The following RINT1 variants were observed in gnomAD, a reference collection of about 807,000 sequenced individuals.
RINT1 encodes RAD50-interacting protein 1.
In RINT1, 75 loss-of-function variants were observed where a neutral mutation model predicts 97.7. The ratio of observed to expected loss-of-function variants is 0.77; its 90% confidence interval spans 0.64 to 0.93. RINT1 has a LOEUF of 0.93. Ranked by LOEUF, RINT1 falls within the 40% of genes least tolerant of loss-of-function variation. RINT1 has a pLI of 0.00. For synonymous variants in RINT1, 303 were observed against 326.3 expected (o/e 0.93, Z 0.77); for missense variants, 892 against 925.2 (o/e 0.96, Z 0.47).
At chr7:105,543,865 C>G (rs903634187) in intron 4 of RINT1, among the ~76,000 whole-genome samples, 2 of 151,102 alleles carry the variant, frequency 1.3e-5, no homozygotes, top group Non-Finnish European at 2.9e-5. Flanking sequence ...CCGAGGCGGG[C>G]AGATCACGAG....
At position 105,567,129 on chromosome 7, in the gene RINT1, GC is replaced by G. The variant is rs1791796857; in HGVS notation, c.2199del (p.Cys734ValfsTer4). On this transcript the variant is annotated frameshift_variant, in exon 15 of 15. Transcript: ENST00000257700. LOFTEE classifies it high-confidence loss of function. ...PENYFKHIKE[A>X]CIVLNLNVGS... is the part of the protein sequence containing the mutation. ...GTTTTCCCTAAACAGTATAAAAGAA[GC>G]CTGTATTGTTTTGAATTTGAACGTC... 7 of 1,566,578 alleles carry G rather than the reference GC, an allele frequency of 4.5e-6. No individual in the cohort carries two copies. Among genetic ancestry groups the G allele is most frequent in the Non-Finnish European group, 6.0e-6 (7 of 1,161,612 alleles).
At chr7:105,561,650 C>T (rs1311325829) in intron 11 of RINT1, among the ~76,000 whole-genome samples, 2 of 152,146 alleles carry the variant, frequency 1.3e-5, no homozygotes, top group Non-Finnish European at 2.9e-5. Flanking sequence ...CAAACTCTGC[C>T]TCCTGGGTTC....
chr7:105,548,701 G>C lies in RINT1; in HGVS notation c.987G>C (p.Val329=), dbSNP rs1271930527. ...TCAGAGGGAACCGGCAGACTAATGT[G>C]TTAAGCAAGGTGTGTTTTGCCAGCT... ...YHFRGNRQTN[V]LSKPEWYLAQ... The change falls in exon 7 of 15, where the codon GTG becomes GTC. Residue 329 remains valine, a synonymous_variant. Transcript: ENST00000257700. 6.2e-7 allele frequency: 1 copy of C among 1,606,908 alleles called. No individual in the cohort carries two copies. The highest frequency in any genetic ancestry group is 8.5e-7 in the Non-Finnish European group (1 of 1,176,166).
chr7:105,550,812 T>C (rs539501132), intron 9 of RINT1, among the ~76,000 whole-genome samples: 4 of 152,248 alleles, frequency 2.6e-5, no homozygotes, highest in African/African-American at 7.2e-5. Context: ...TAAAGTGCAG[T>C]AGTTTGATCT....
rs769007275 is a variant in RINT1 at position 105,532,878 on chromosome 7, G to T, written c.88+9G>T. On this transcript the variant is annotated intron_variant, in intron 2 of 14. Coordinates refer to ENST00000257700, the MANE Select transcript of RINT1 (RefSeq NM_021930.6). Reference sequence around the variant, plus strand: ...GAACCTCGAGGAGAAAAGTAAGCCAGCTCCAAACACCTTAGCTTTTTCTTC... The same window carrying T: ...GAACCTCGAGGAGAAAAGTAAGCCATCTCCAAACACCTTAGCTTTTTCTTC... The T allele has an allele frequency of 2.2e-5, 35 of 1,613,814 alleles. No individual in the cohort carries two copies. The highest frequency in any genetic ancestry group is 2.6e-5 in the Non-Finnish European group (31 of 1,179,778).
At chr7:105,540,083 T>C (rs897102682) in intron 3 of RINT1, among the ~76,000 whole-genome samples, 2 of 150,430 alleles carry the variant, frequency 1.3e-5, no homozygotes, top group Non-Finnish European at 3.0e-5. Context: ...CATTTTCTTT[T>C]TTTTTTTTTT....
intron 10 of RINT1, among the ~76,000 whole-genome samples, chr7:105,553,551 T>G (rs1309520542): frequency 6.6e-6 from 1 of 150,598 alleles, no homozygotes; most frequent in Non-Finnish European, 1.5e-5. Flanking sequence ...AAACCCCGTC[T>G]CTACTAAAAA....
intron 11 of RINT1, among the ~76,000 whole-genome samples, chr7:105,560,112 G>C (rs1791372574): frequency 6.6e-6 from 1 of 152,164 alleles, no homozygotes; most frequent in Non-Finnish European, 1.5e-5. Flanking sequence ...TTCTGGTTTT[G>C]TTCTGAGGCA....
intron 10 of RINT1, among the ~76,000 whole-genome samples, chr7:105,554,601 G>A (rs1485648809): frequency 2.6e-5 from 4 of 151,820 alleles, no homozygotes; most frequent in Admixed American, 6.6e-5. Flanking sequence ...ACTACTGCCC[G>A]GCTAATTTTT....
At chr7:105,556,141 A>ACTGCAGCTCG (rs1791172281) in intron 11 of RINT1, among the ~76,000 whole-genome samples, 1 of 149,836 alleles carries the variant, frequency 6.7e-6, no homozygotes, top group South Asian at 2.1e-4. Context: ...ATCTCGGCTC[A>ACTGCAGCTCG]CTGCAACCTC....
At chr7:105,555,585 G>C (rs1791145063) in intron 11 of RINT1, among the ~76,000 whole-genome samples, 2 of 152,148 alleles carry the variant, frequency 1.3e-5, no homozygotes, top group Admixed American at 1.3e-4. Flanking sequence ...GAAAATAAAA[G>C]AATAATGTTT....
intron 4 of RINT1, 22 bp from the exon 5 acceptor site, chr7:105,546,888 A>AG (rs763024934): frequency 3.2e-6 from 5 of 1,564,706 alleles, no homozygotes; most frequent in Non-Finnish European, 4.3e-6. Context: ...AGAAAAAAAA[A>AG]TTTGCTTTAC....
At chr7:105,545,520 A>G (rs1479792656) in intron 4 of RINT1, among the ~76,000 whole-genome samples, 1 of 141,964 alleles carries the variant, frequency 7.0e-6, no homozygotes, top group Non-Finnish European at 1.5e-5. Flanking sequence ...ATTTGTATAT[A>G]TATATATATA....
Position 105,548,645 on chromosome 7 carries a change from A to G in RINT1, c.931A>G (p.Thr311Ala). 1 of 1,613,980 alleles carries G rather than the reference A, an allele frequency of 6.2e-7. No homozygotes were observed. The highest frequency in any genetic ancestry group is 8.5e-7 in the Non-Finnish European group (1 of 1,179,970). The change falls in exon 7 of 15, where the codon ACT becomes GCT. Residue 311 changes from threonine (T) to alanine (A), a missense_variant. Thr to Ala is a moderately conservative substitution (Grantham distance 58). Coordinates refer to ENST00000257700, the MANE Select transcript of RINT1 (RefSeq NM_021930.6). Reference protein sequence around the residue: ...SVILPIQVMLTPLQKRFRYHF... With the variant: ...SVILPIQVMLAPLQKRFRYHF... Reference sequence around the variant, plus strand: ...CATCCTGCCCATCCAGGTTATGCTGACTCCTCTTCAGAAGAGGTTCAGGTA... The same window carrying G: ...CATCCTGCCCATCCAGGTTATGCTGGCTCCTCTTCAGAAGAGGTTCAGGTA...
chr7:105,565,372 A>C lies in RINT1; in HGVS notation c.1982A>C (p.Gln661Pro). Residue 661 changes from glutamine to proline, a missense_variant, in exon 13 of 15, where the codon CAG (glutamine) becomes CCG (proline). Transcript: ENST00000257700. ...CTGACGTTACGAGACCATTTACTTCAGTTGGAGCAGCAGCTTTGTTTCTCC... is the reference window on the plus strand; with the variant it reads ...CTGACGTTACGAGACCATTTACTTCCGTTGGAGCAGCAGCTTTGTTTCTCC... ...LLLTLRDHLL[Q>P]LEQQLCFSLF... 1 of 1,614,188 alleles carries C rather than the reference A, an allele frequency of 6.2e-7. No individual in the cohort carries two copies. The highest frequency in any genetic ancestry group is 8.5e-7 in the Non-Finnish European group (1 of 1,180,030).
At chr7:105,535,531 C>A in intron 2 of RINT1, 1 of 449,936 alleles carries the variant, frequency 2.2e-6, no homozygotes, top group Non-Finnish European at 4.4e-6. Flanking sequence ...CCCAGCCAAA[C>A]CTTTTTTACT....
rs530846760 is a variant in RINT1 at position 105,550,594 on chromosome 7, A to G, written c.1333+108A>G. 6.4e-5 allele frequency: 51 copies of G among 799,044 alleles called. No individual in the cohort carries two copies. In the South Asian group the frequency reaches 9.0e-4, roughly 14 times the overall value. 49.5% of individuals were successfully genotyped at this position (799,044 alleles called of 1,614,324 possible). A position where few individuals can be genotyped will look rare whatever the true frequency, so the allele number is the denominator to read the frequency against. ...TAAATAGGAACTAGAGCCATTTGAA[A>G]TTTCCTTTTCAGGGTTTTCTGTTTC... On this transcript the variant is annotated intron_variant, in intron 9 of 14. Transcript: ENST00000257700.
At position 105,563,771 on chromosome 7, in the gene RINT1, T is replaced by G. The variant is rs1360448009; in HGVS notation, c.1710T>G (p.Phe570Leu). The G allele has an allele frequency of 6.2e-7, 1 of 1,614,100 alleles. No individual in the cohort carries two copies. The highest frequency in any genetic ancestry group is 8.5e-7 in the Non-Finnish European group (1 of 1,180,028). ...TTCAACAGGCTGCACTGGAGGTGTT[T>G]GCAGAGAATAATACTCTGAGTAAAT... ...LQLQQAALEV[F>L]AENNTLSKLQ... Residue 570 changes from phenylalanine (F) to leucine (L), a missense_variant, in exon 12 of 15, where the codon TTT becomes TTG. Coordinates refer to ENST00000257700, the MANE Select transcript of RINT1 (RefSeq NM_021930.6).
intron 11 of RINT1, among the ~76,000 whole-genome samples, chr7:105,556,916 T>C (rs559839008): frequency 1.2e-4 from 18 of 152,306 alleles, no homozygotes; most frequent in Middle Eastern, 3.4e-3. Context: ...GTTTTAGATA[T>C]TAACATAATC....
Sources: gnomAD v4.1 joint callset for allele counts (sites outside exome capture counted in the v4.1 genomes callset) on GRCh38, gnomAD v4.1.1 for gene constraint, MANE v1.5 for transcripts, NCBI Gene and HGNC (gene_info 2026-07-23, HGNC 2026-07-21) for gene names.